The following CNTNAP2 variants were observed in gnomAD, a reference collection of about 807,000 sequenced individuals.
CNTNAP2 encodes contactin associated protein 2.
CNTNAP2 carries 98 observed loss-of-function variants against 155.2 expected under a neutral mutation model. The observed-to-expected ratio is 0.63, with a 90% CI of 0.54 to 0.75. CNTNAP2 has a LOEUF of 0.75. Ranked by LOEUF, CNTNAP2 falls within the 30% of genes least tolerant of loss-of-function variation. The pLI is 0.00. For synonymous variants in CNTNAP2, 651 were observed against 631.2 expected (o/e 1.03, Z -0.47); for missense variants, 1,727 against 1,688.1 (o/e 1.02, Z -0.40).
intron 14 of CNTNAP2, among the ~76,000 whole-genome samples, chr7:147,923,204 C>T (rs745648037): frequency 2.6e-4 from 40 of 152,254 alleles, no homozygotes; most frequent in Middle Eastern, 3.4e-3. Flanking sequence ...ATATTGTGAA[C>T]GTGACATGTT....
At chr7:147,345,003 GA>G (rs1262846984) in intron 9 of CNTNAP2, among the ~76,000 whole-genome samples, 51 of 151,990 alleles carry the variant, frequency 3.4e-4, no homozygotes, top group African/African-American at 1.2e-3. Context: ...AAATTTTCAG[GA>G]AACTATATGT....
chr7:147,364,928 C>A (rs1584901678), intron 9 of CNTNAP2, among the ~76,000 whole-genome samples: 2 of 151,688 alleles, frequency 1.3e-5, no homozygotes, highest in Non-Finnish European at 2.9e-5. Context: ...TATACTATGT[C>A]ACAGGAACAA....
At chr7:146,737,859 G>C (rs773245286) in intron 1 of CNTNAP2, among the ~76,000 whole-genome samples, 11 of 151,932 alleles carry the variant, frequency 7.2e-5, no homozygotes, top group Admixed American at 2.0e-4. Flanking sequence ...TATTGTGTGT[G>C]TGCGTGCATA....
intron 13 of CNTNAP2, among the ~76,000 whole-genome samples, chr7:147,848,584 A>AC (rs1247071405): frequency 6.6e-6 from 1 of 151,806 alleles, no homozygotes; most frequent in Admixed American, 6.6e-5. Flanking sequence ...GGAGCTGTAG[A>AC]CCGGAGCTGT....
At chr7:147,813,766 A>G (rs1006911867) in intron 13 of CNTNAP2, among the ~76,000 whole-genome samples, 3 of 152,204 alleles carry the variant, frequency 2.0e-5, no homozygotes, top group Non-Finnish European at 4.4e-5. Flanking sequence ...TCTCACTTCA[A>G]TTATAGCAGT....
chr7:146,631,366 A>G (rs1325692752), intron 1 of CNTNAP2, among the ~76,000 whole-genome samples: 1 of 152,184 alleles, frequency 6.6e-6, no homozygotes, highest in Non-Finnish European at 1.5e-5. Context: ...AAATTCTGCC[A>G]GAATCATAGA....
At chr7:146,399,198 C>T (rs1252519043) in intron 1 of CNTNAP2, among the ~76,000 whole-genome samples, 1 of 152,070 alleles carries the variant, frequency 6.6e-6, no homozygotes, top group African/African-American at 2.4e-5. Context: ...AATGAGAACA[C>T]TTTCTTAGCA....
At chr7:147,599,224 C>T (rs961497479) in intron 12 of CNTNAP2, among the ~76,000 whole-genome samples, 2 of 151,898 alleles carry the variant, frequency 1.3e-5, no homozygotes, top group Non-Finnish European at 2.9e-5. Flanking sequence ...CACCTGTAAT[C>T]CTAGCAGTTT....
At chr7:147,837,668 G>A (rs1177619755) in intron 13 of CNTNAP2, among the ~76,000 whole-genome samples, 1 of 152,200 alleles carries the variant, frequency 6.6e-6, no homozygotes, top group Non-Finnish European at 1.5e-5. Context: ...TACAATGAGG[G>A]TGCAGGCATT....
At chr7:146,906,533 C>T (rs1239860209) in intron 3 of CNTNAP2, among the ~76,000 whole-genome samples, 19 of 152,052 alleles carry the variant, frequency 1.2e-4, no homozygotes, top group African/African-American at 4.6e-4. Context: ...CACCCCCCAG[C>T]AGGGGCACAC....
Position 147,121,073 on chromosome 7 carries a change from C to A in CNTNAP2, c.849C>A (p.Arg283=), listed in dbSNP as rs1057521398. 25 of 1,614,088 alleles carry A rather than the reference C, an allele frequency of 1.5e-5. No homozygotes were observed. Among genetic ancestry groups the A allele is most frequent in the Non-Finnish European group, 2.0e-5 (24 of 1,180,026 alleles). ...ACTGGCACTCTGTGGTCATTGAGCG[C>A]CAGGGGCGGAGCATTAACCTCACTC... is the stretch of plus-strand genomic sequence containing the variant. ...DHHWHSVVIE[R]QGRSINLTLD... Residue 283 remains arginine (R), a synonymous_variant, in exon 6 of 24, where the codon CGC becomes CGA. Transcript: ENST00000361727.
chr7:147,625,055 A>C (rs2116899161), intron 12 of CNTNAP2, among the ~76,000 whole-genome samples: 1 of 152,278 alleles, frequency 6.6e-6, no homozygotes, highest in Admixed American at 6.5e-5. Context: ...TCCAAAAATC[A>C]AAACAATTGA....
chr7:146,158,325 G>A (rs766859199), intron 1 of CNTNAP2, among the ~76,000 whole-genome samples: 5 of 152,180 alleles, frequency 3.3e-5, no homozygotes, highest in South Asian at 2.1e-4. Context: ...AAATCAGAGC[G>A]CCTCTTCTCC....
intron 1 of CNTNAP2, among the ~76,000 whole-genome samples, chr7:146,626,863 T>G (rs1799428342): frequency 6.6e-6 from 1 of 152,140 alleles, no homozygotes; most frequent in African/African-American, 2.4e-5. Context: ...TATAACCTCA[T>G]AGCTTTAAAA....
intron 12 of CNTNAP2, among the ~76,000 whole-genome samples, chr7:147,604,878 C>T (rs1801031694): frequency 6.6e-6 from 1 of 152,168 alleles, no homozygotes; most frequent in African/African-American, 2.4e-5. Context: ...TTCAGATCTG[C>T]TCACTGCACA....
chr7:147,290,872 T>A (rs1337195409), intron 8 of CNTNAP2, among the ~76,000 whole-genome samples: 1 of 152,066 alleles, frequency 6.6e-6, no homozygotes, highest in African/African-American at 2.4e-5. Flanking sequence ...GGGTATTGAT[T>A]TTGGGTTTAT....
At chr7:148,082,194 G>T (rs1803621822) in intron 15 of CNTNAP2, among the ~76,000 whole-genome samples, 1 of 152,162 alleles carries the variant, frequency 6.6e-6, no homozygotes, top group Non-Finnish European at 1.5e-5. Context: ...TTCAAAATAA[G>T]AATCACAACA....
rs562888589 is a variant in CNTNAP2 at position 147,359,410 on chromosome 7, C to T, written c.1499-36199C>T. Among the ~76,000 whole-genome samples, 24 of 152,236 alleles carry T rather than the reference C, an allele frequency of 1.6e-4. No homozygotes were observed. The South Asian group carries it at 1.7e-3, about 11-fold the overall frequency. On this transcript the variant is annotated intron_variant, in intron 9 of 23. Transcript: ENST00000361727. Reference sequence around the variant, plus strand: ...CATCTCCCTTTTCCACCCTTCTTTGCCTATAGCCTGCTCTCAGCACAATGG... The same window carrying T: ...CATCTCCCTTTTCCACCCTTCTTTGTCTATAGCCTGCTCTCAGCACAATGG...
At chr7:147,380,181 G>A (rs1000964593) in intron 9 of CNTNAP2, among the ~76,000 whole-genome samples, 1 of 151,280 alleles carries the variant, frequency 6.6e-6, no homozygotes, top group Non-Finnish European at 1.5e-5. Flanking sequence ...AACTTTTGGG[G>A]TGCAGTTAAT....
Sources: gnomAD v4.1 joint callset for allele counts (sites outside exome capture counted in the v4.1 genomes callset) on GRCh38, gnomAD v4.1.1 for gene constraint, MANE v1.5 for transcripts, NCBI Gene and HGNC (gene_info 2026-07-23, HGNC 2026-07-21) for gene names.